FAXC: variants seen among roughly 807,000 people sequenced by gnomAD.
FAXC encodes failed axon connections homolog, metaxin like GST domain containing.
In FAXC, 10 loss-of-function variants were observed where a neutral mutation model predicts 41.9. That is an observed-to-expected ratio of 0.24 (90% CI 0.15 to 0.41). The LOEUF is 0.41. Ranked by LOEUF, FAXC falls within the 10% of genes least tolerant of loss-of-function variation. The pLI, the probability that FAXC is intolerant of heterozygous loss-of-function variation, is 1.00. For synonymous variants in FAXC, 183 were observed against 183.8 expected (o/e 1.00, Z 0.03); for missense variants, 399 against 510.9 (o/e 0.78, Z 2.11).
chr6:99,275,611 G>T lies in FAXC; in HGVS notation c.*5553C>A, dbSNP rs539168215. ...AATGGTTGAGGAGGTCACCCTGTCA[G>T]CTCCAAAACAGCTGAACCCCTTTTT... On this transcript the variant is annotated 3_prime_UTR_variant, in exon 6 of 6. Coordinates refer to ENST00000389677, the MANE Select transcript of FAXC (RefSeq NM_032511.4). 3 of 152,312 alleles carry T rather than the reference G, an allele frequency of 2.0e-5. No individual in the cohort carries two copies. In the East Asian group the frequency reaches 5.8e-4, roughly 29 times the overall value. 9.4% of individuals were successfully genotyped at this position (152,312 alleles called of 1,614,324 possible). A position where few individuals can be genotyped will look rare whatever the true frequency, so the allele number is the denominator to read the frequency against.
intron 2 of FAXC, among the ~76,000 whole-genome samples, chr6:99,339,583 C>CTTTA (rs1286287275): frequency 2.6e-5 from 4 of 152,172 alleles, no homozygotes; most frequent in African/African-American, 9.7e-5. Flanking sequence ...AATAAATATC[C>CTTTA]TCCAATGGAT....
intron 4 of FAXC, among the ~76,000 whole-genome samples, chr6:99,316,155 T>C (rs998226245): frequency 1.6e-5 from 2 of 121,322 alleles, no homozygotes; most frequent in East Asian, 3.1e-4. Flanking sequence ...TTTAACCCAC[T>C]CGCCCCCCCC....
At chr6:99,312,690 A>G (rs1417664481) in intron 4 of FAXC, among the ~76,000 whole-genome samples, 2 of 152,346 alleles carry the variant, frequency 1.3e-5, no homozygotes, top group Non-Finnish European at 2.9e-5. Flanking sequence ...CATACTATTA[A>G]TAACTGTAAG....
In FAXC at chr6:99,280,126, G is replaced by A. The variant is rs1315981616; in HGVS notation, c.*1038C>T. 2 of 152,224 alleles carry A rather than the reference G, an allele frequency of 1.3e-5. No homozygotes were observed. The highest frequency in any genetic ancestry group is 6.5e-5 in the Admixed American group (1 of 15,284). The allele number at this position is 152,224 out of a possible 1,614,324, so 9.4% of individuals were successfully genotyped here. On this transcript the variant is annotated 3_prime_UTR_variant, in exon 6 of 6. Coordinates refer to ENST00000389677, the MANE Select transcript of FAXC (RefSeq NM_032511.4). Reference sequence around the variant, plus strand: ...TGGAGTCAACACAGAACATGCCAGGGTGAGTTCAGGCAATGAAAGAACCAC... The same window carrying A: ...TGGAGTCAACACAGAACATGCCAGGATGAGTTCAGGCAATGAAAGAACCAC...
chr6:99,291,676 A>G, intron 5 of FAXC, 28 bp downstream of exon 5: 1 of 1,563,892 alleles, frequency 6.4e-7, no homozygotes, highest in Non-Finnish European at 8.8e-7. Context: ...AGTAAGCCCC[A>G]AAACCTGAAG....
rs139841063 is a variant in FAXC, at chr6:99,310,651, C to A, written c.823+12793G>T. 8.5e-4 allele frequency among the ~76,000 whole-genome samples: 130 copies of A among 152,286 alleles called. 1 individual carries two copies. The highest frequency in any genetic ancestry group is 3.7e-3 in the South Asian group (18 of 4,822). On this transcript the variant is annotated intron_variant, in intron 4 of 5. Transcript: ENST00000389677. ...AATGTCTATGGTTTTTTTCTTTTAT[C>A]TGTGTATTTTATCTTTCTAGCTAGA...
At chr6:99,329,165 C>A (rs1772935739) in intron 3 of FAXC, among the ~76,000 whole-genome samples, 1 of 152,216 alleles carries the variant, frequency 6.6e-6, no homozygotes, top group Admixed American at 6.5e-5. Context: ...ATTAACTTAT[C>A]ATTTTGAGGA....
chr6:99,329,199 T>G (rs1772936911), intron 3 of FAXC, among the ~76,000 whole-genome samples: 1 of 152,248 alleles, frequency 6.6e-6, no homozygotes, highest in African/African-American at 2.4e-5. Flanking sequence ...GTTGAAATAC[T>G]AATTTTCCTT....
intron 4 of FAXC, among the ~76,000 whole-genome samples, chr6:99,307,999 T>C (rs530302943): frequency 6.6e-6 from 1 of 152,286 alleles, no homozygotes; most frequent in Non-Finnish European, 1.5e-5. Context: ...AGACAATACA[T>C]GATTAGAAAA....
At chr6:99,293,367 T>A (rs951015813) in intron 4 of FAXC, among the ~76,000 whole-genome samples, 2 of 152,174 alleles carry the variant, frequency 1.3e-5, no homozygotes, top group African/African-American at 4.8e-5. Flanking sequence ...CCACAACTTA[T>A]ATGTGCTCAC....
chr6:99,306,483 G>A (rs1190282199), intron 4 of FAXC, among the ~76,000 whole-genome samples: 1 of 152,174 alleles, frequency 6.6e-6, no homozygotes, highest in East Asian at 1.9e-4. Context: ...CAGGCTCTGG[G>A]ACATCTAAGT....
At chr6:99,293,704 G>GTGTGTGTGTGTC (rs1562155131) in intron 4 of FAXC, among the ~76,000 whole-genome samples, 10 of 101,986 alleles carry the variant, frequency 9.8e-5, no homozygotes, top group African/African-American at 3.4e-4. Flanking sequence ...GTGTGTGTGT[G>GTGTGTGTGTGTC]TGTGTGTGTC....
chr6:99,288,515 C>A (rs527310946), intron 5 of FAXC, among the ~76,000 whole-genome samples: 4 of 151,996 alleles, frequency 2.6e-5, no homozygotes, highest in African/African-American at 7.3e-5. Context: ...ATCTTTTAGA[C>A]GACTATGGAA....
rs1286221869 is a variant in FAXC at position 99,279,484 on chromosome 6, G to A, written c.*1680C>T. 2.0e-5 allele frequency: 3 copies of A among 149,926 alleles called. No homozygotes were observed. Among genetic ancestry groups the A allele is most frequent in the Non-Finnish European group, 4.4e-5 (3 of 67,640 alleles). 9.3% of individuals were successfully genotyped at this position (149,926 alleles called of 1,614,324 possible). On this transcript the variant is annotated 3_prime_UTR_variant, in exon 6 of 6. Transcript: ENST00000389677. Reference sequence around the variant, plus strand: ...AGAGGTTTTTTTTTTTTCAAGTAAAGTGCATGGATTTCTCAGAAGTTGCTG... The same window carrying A: ...AGAGGTTTTTTTTTTTTCAAGTAAAATGCATGGATTTCTCAGAAGTTGCTG...
At chr6:99,302,032 G>A (rs1582638509) in intron 4 of FAXC, among the ~76,000 whole-genome samples, 1 of 152,228 alleles carries the variant, frequency 6.6e-6, no homozygotes, top group South Asian at 2.1e-4. Context: ...TGCCTCTGCT[G>A]GGTGCCTCTG....
chr6:99,287,827 T>A (rs1771081738), intron 5 of FAXC, among the ~76,000 whole-genome samples: 3 of 152,112 alleles, frequency 2.0e-5, no homozygotes, highest in Admixed American at 2.0e-4. Flanking sequence ...GCAGTAGTAG[T>A]TTGGCTGCAT....
chr6:99,296,387 C>T (rs922597917), intron 4 of FAXC, among the ~76,000 whole-genome samples: 1 of 152,040 alleles, frequency 6.6e-6, no homozygotes, highest in African/African-American at 2.4e-5. Flanking sequence ...GGTGAACCAT[C>T]CGGTGACTTC....
In FAXC at chr6:99,279,515, TAAG is replaced by T. The variant is rs1770749180; in HGVS notation, c.*1646_*1648del. On this transcript the variant is annotated 3_prime_UTR_variant, in exon 6 of 6. Transcript: ENST00000389677. The stretch of plus-strand genomic sequence containing the variant: ...GGATTTCTCAGAAGTTGCTGTATTT[TAAG>T]AAGTGCCTCTTTAACCCCATAATGA... The T allele has an allele frequency of 6.6e-6, 1 of 152,188 alleles. No homozygotes were observed. The highest frequency in any genetic ancestry group is 1.5e-5 in the Non-Finnish European group (1 of 68,038). The allele number at this position is 152,188 out of a possible 1,614,324, so 9.4% of individuals were successfully genotyped here. A position where few individuals can be genotyped will look rare whatever the true frequency, so the allele number is the denominator to read the frequency against.
At chr6:99,300,372 C>T (rs1411940730) in intron 4 of FAXC, among the ~76,000 whole-genome samples, 1 of 152,170 alleles carries the variant, frequency 6.6e-6, no homozygotes, top group African/African-American at 2.4e-5. Flanking sequence ...GAAAGTATTC[C>T]TCAGGATGAG....
Sources: gnomAD v4.1 joint callset for allele counts (sites outside exome capture counted in the v4.1 genomes callset) on GRCh38, gnomAD v4.1.1 for gene constraint, MANE v1.5 for transcripts, NCBI Gene and HGNC (gene_info 2026-07-23, HGNC 2026-07-21) for gene names.